The following CALN1 variants were observed in gnomAD, a reference collection of about 807,000 sequenced individuals.
CALN1 encodes calcium-binding protein 8.
Under a neutral mutation model 30.6 loss-of-function variants are expected in CALN1, and 17 were observed. The ratio of observed to expected loss-of-function variants is 0.56; its 90% CI spans 0.38 to 0.83. CALN1 has a LOEUF of 0.83. Among genes scored for constraint, CALN1 ranks in the 40% least tolerant of loss-of-function variants. The pLI, the probability that CALN1 is intolerant of heterozygous loss-of-function variation, is 0.00. For missense variants in CALN1, 291 were observed against 354.9 expected (o/e 0.82, Z 1.45); for synonymous variants, 156 against 131.4 (o/e 1.19, Z -1.28).
chr7:72,037,545 T>C (rs766801609), intron 4 of CALN1, among the ~76,000 whole-genome samples: 1 of 152,230 alleles, frequency 6.6e-6, no homozygotes, highest in African/African-American at 2.4e-5. Context: ...CAGTTGTTTG[T>C]ATCCAGCCAG....
intron 4 of CALN1, among the ~76,000 whole-genome samples, chr7:72,068,116 A>G (rs539873946): frequency 6.6e-6 from 1 of 152,274 alleles, no homozygotes; most frequent in South Asian, 2.1e-4. Flanking sequence ...TAAATAGTCA[A>G]TCTTGGCTAA....
intron 2 of CALN1, among the ~76,000 whole-genome samples, chr7:72,367,314 CTG>C (rs1803938064): frequency 6.6e-6 from 1 of 151,972 alleles, no homozygotes; most frequent in Non-Finnish European, 1.5e-5. Flanking sequence ...CAGCAAGGCC[CTG>C]TCTCTACAAA....
intron 1 of CALN1, among the ~76,000 whole-genome samples, chr7:72,407,126 G>C (rs1196535551): frequency 1.3e-5 from 2 of 152,216 alleles, no homozygotes; most frequent in African/African-American, 4.8e-5. Context: ...GAATGGTGAA[G>C]TAATATTGTT....
chr7:72,136,174 G>C (rs1165062005), intron 3 of CALN1, among the ~76,000 whole-genome samples: 1 of 59,980 alleles, frequency 1.7e-5, no homozygotes, highest in Non-Finnish European at 3.2e-5. Flanking sequence ...TAAATAAAGG[G>C]CTGGTTTTTT....
intron 5 of CALN1, among the ~76,000 whole-genome samples, chr7:71,985,711 T>A (rs937908389): frequency 1.4e-5 from 2 of 147,224 alleles, no homozygotes; most frequent in African/African-American, 5.0e-5. Flanking sequence ...TGCCTCAGCC[T>A]CCTGAGTAGC....
intron 3 of CALN1, among the ~76,000 whole-genome samples, chr7:72,161,397 G>T (rs950852044): frequency 6.6e-6 from 1 of 152,178 alleles, no homozygotes. Flanking sequence ...GGTGGAGAAG[G>T]ATGGAAAGAG....
chr7:71,925,639 T>G (rs1227545214), intron 5 of CALN1, among the ~76,000 whole-genome samples: 1 of 152,178 alleles, frequency 6.6e-6, no homozygotes, highest in African/African-American at 2.4e-5. Context: ...GTTGACAGAT[T>G]GGGTTTGCAT....
intron 2 of CALN1, among the ~76,000 whole-genome samples, chr7:72,390,705 ATGT>A (rs1468285830): frequency 1.3e-5 from 2 of 152,164 alleles, no homozygotes; most frequent in African/African-American, 2.4e-5. Context: ...TTACTTTGAA[ATGT>A]TGTTTATGCT....
chr7:71,833,310 T>C (rs1789402559), intron 5 of CALN1, among the ~76,000 whole-genome samples: 1 of 152,216 alleles, frequency 6.6e-6, no homozygotes, highest in African/African-American at 2.4e-5. Flanking sequence ...TTGGTGGTTT[T>C]ATCTCCATAC....
intron 4 of CALN1, among the ~76,000 whole-genome samples, chr7:72,045,986 G>A: frequency 8.3e-6 from 1 of 120,098 alleles, no homozygotes; most frequent in African/African-American, 3.6e-5. Context: ...GCAACAGCGA[G>A]ACTCCCTCTC....
At chr7:72,105,780 G>A (rs1483889194) in intron 4 of CALN1, among the ~76,000 whole-genome samples, 1 of 101,732 alleles carries the variant, frequency 9.8e-6, no homozygotes, top group African/African-American at 4.6e-5. Flanking sequence ...AGGAGGAGGA[G>A]GAGGAGGGGG....
At chr7:72,315,762 T>C (rs909449953) in intron 2 of CALN1, among the ~76,000 whole-genome samples, 7 of 151,522 alleles carry the variant, frequency 4.6e-5, no homozygotes, top group Admixed American at 4.6e-4. Context: ...TAAGGATGGA[T>C]AGAAATAAAG....
chr7:71,982,713 T>C (rs1436654635), intron 5 of CALN1, among the ~76,000 whole-genome samples: 2 of 152,090 alleles, frequency 1.3e-5, no homozygotes, highest in South Asian at 2.1e-4. Flanking sequence ...TTTGGGCAGA[T>C]AGTGAGGGTA....
At position 72,403,402 on chromosome 7, in the gene CALN1, TAGA is replaced by T; in HGVS notation, c.-36_-34del. ...CCAGGGCGATGTTCTCAGAGAGAGT[TAGA>T]AGCTCATCAAAGGAACGTCAGCGAA... On this transcript the variant is annotated 5_prime_UTR_variant, in exon 2 of 7. The change creates a premature stop within an existing upstream ORF in the 5' untranslated region. Transcript: ENST00000395275. The T allele has an allele frequency of 6.6e-7, 1 of 1,508,832 alleles. No individual in the cohort carries two copies. The highest frequency in any genetic ancestry group is 8.9e-7 in the Non-Finnish European group (1 of 1,121,262). The allele number at this position is 1,508,832 out of a possible 1,614,324, so 93.5% of individuals were successfully genotyped here. A position where few individuals can be genotyped will look rare whatever the true frequency, so the allele number is the denominator to read the frequency against.
At chr7:72,088,187 T>G (rs961543063) in intron 4 of CALN1, among the ~76,000 whole-genome samples, 1 of 151,668 alleles carries the variant, frequency 6.6e-6, no homozygotes, top group Non-Finnish European at 1.5e-5. Flanking sequence ...AGAGTGTGAA[T>G]CATATTCCAA....
intron 3 of CALN1, among the ~76,000 whole-genome samples, chr7:72,246,075 T>C (rs1337093512): frequency 6.6e-6 from 1 of 152,234 alleles, no homozygotes; most frequent in Non-Finnish European, 1.5e-5. Context: ...CAGAGTGCCC[T>C]CTTATCCGAC....
At chr7:71,941,300 TG>T (rs1796117377) in intron 5 of CALN1, among the ~76,000 whole-genome samples, 1 of 149,448 alleles carries the variant, frequency 6.7e-6, no homozygotes, top group African/African-American at 2.5e-5. Context: ...GCAGTGAGCC[TG>T]GATCACACCA....
At chr7:72,327,159 G>T (rs561724348) in intron 2 of CALN1, among the ~76,000 whole-genome samples, 1 of 152,290 alleles carries the variant, frequency 6.6e-6, no homozygotes, top group African/African-American at 2.4e-5. Context: ...GGCTTTATGT[G>T]AACATCCAGC....
rs1382338869 is a variant in CALN1 at position 72,082,369 on chromosome 7, T to C, written c.388+23782A>G. On this transcript the variant is annotated intron_variant, in intron 4 of 6. Transcript: ENST00000395275. ...CAGCATGCTGTACCCACCACTACTT[T>C]AGTCCTTAGACCTTAACTGGGTGCA... Among the ~76,000 whole-genome samples, 3 of 152,182 alleles carry C rather than the reference T, an allele frequency of 2.0e-5. No individual in the cohort carries two copies. The East Asian group carries it at 5.8e-4, about 29-fold the overall frequency.
Sources: gnomAD v4.1 joint callset for allele counts (sites outside exome capture counted in the v4.1 genomes callset) on GRCh38, gnomAD v4.1.1 for gene constraint, MANE v1.5 for transcripts, NCBI Gene and HGNC (gene_info 2026-07-23, HGNC 2026-07-21) for gene names.